PDZD2: variants seen among roughly 807,000 people sequenced by gnomAD.
The protein encoded by PDZD2 is PDZ domain containing 2.
PDZD2 carries 90 observed loss-of-function variants against 220.7 expected under a neutral mutation model. That is an observed-to-expected ratio of 0.41 (90% CI 0.34 to 0.49). PDZD2 has a LOEUF of 0.49. Ranked by LOEUF, PDZD2 falls within the 20% of genes least tolerant of loss-of-function variation. PDZD2 has a pLI of 0.28. For missense variants in PDZD2, 3,174 were observed against 3,608.5 expected (o/e 0.88, Z 3.08); for synonymous variants, 1,375 against 1,450.5 (o/e 0.95, Z 1.18).
Position 31,691,403 on chromosome 5 carries a change from C to G in PDZD2, c.-361+51966C>G, listed in dbSNP as rs532654884. On this transcript the variant is annotated intron_variant, in intron 1 of 24. Coordinates refer to ENST00000438447, the MANE Select transcript of PDZD2 (RefSeq NM_178140.4). The stretch of plus-strand genomic sequence containing the variant: ...GCACAGAGCGAAAGAACAAAGCTCC[C>G]GTAGAGTGGAAGGGGGCCCGAACAG... 6.6e-5 allele frequency among the ~76,000 whole-genome samples: 9 copies of G among 136,794 alleles called. 1 individual carries two copies. The South Asian group carries it at 1.5e-3, about 22-fold the overall frequency. The allele number at this position is 136,794 out of a possible 152,430, so 89.7% of individuals were successfully genotyped here.
At position 32,088,531 on chromosome 5, in the gene PDZD2, G is replaced by C. The variant is rs1321232366; in HGVS notation, c.5083G>C (p.Glu1695Gln). Residue 1695 changes from glutamate to glutamine, a missense_variant, in exon 20 of 25, where the codon GAA becomes CAA. Glu to Gln is a conservative substitution (Grantham distance 29). Around this residue, in one of 4 missense-constraint regions of PDZD2, gnomAD observed 1,861 missense variants for 2,001.0 expected, o/e 0.93. Transcript: ENST00000438447. This position sits in a 1 kb window ranked among gnomAD's most constrained non-coding sequence, Gnocchi z 4.6. The part of the protein sequence containing the change: ...SQNHRPSCAE[E>Q]TTEVTSASSA... ...GAACCACAGGCCCTCGTGTGCAGAA[G>C]AAACCACAGAAGTCACCAGCGCTAG... The C allele has an allele frequency of 5.0e-6, 8 of 1,614,028 alleles. No individual in the cohort carries two copies. The African/African-American group carries it at 1.1e-4, about 22-fold the overall frequency.
At position 31,997,727 on chromosome 5, in the gene PDZD2, T is replaced by TTG. The variant is rs751909605; in HGVS notation, c.1121+2021_1121+2022dup. 8.0e-4 allele frequency among the ~76,000 whole-genome samples: 122 copies of TTG among 152,146 alleles called. 1 individual carries two copies. The highest frequency in any genetic ancestry group is 2.6e-3 in the African/African-American group (107 of 41,536). On this transcript the variant is annotated intron_variant, in intron 4 of 24. Transcript: ENST00000438447. ...TTTTCATTTCATTCTTAGCCTGGAG[T>TTG]TGTGTGTGTGTGTCTCTTTGAGCCT...
intron 20 of PDZD2, 103 bp downstream of exon 20, chr5:32,091,278 A>AATT: frequency 2.6e-5 from 14 of 539,542 alleles, no homozygotes; most frequent in Non-Finnish European, 3.3e-5. Context: ...GTTCCCACTT[A>AATT]CTTTTTTTTT....
chr5:31,884,022 G>A (rs1740193855), intron 2 of PDZD2, among the ~76,000 whole-genome samples: 1 of 152,164 alleles, frequency 6.6e-6, no homozygotes, highest in Admixed American at 6.5e-5. Flanking sequence ...AGTCCAGCCT[G>A]GCCAATGTGG....
intron 1 of PDZD2, among the ~76,000 whole-genome samples, chr5:31,652,500 T>C (rs541840683): frequency 1.3e-4 from 20 of 152,348 alleles, no homozygotes; most frequent in Middle Eastern, 3.4e-3. Context: ...TCCGAGTGCT[T>C]ATACTTTGTC....
At chr5:32,028,182 G>T (rs2112176616) in intron 6 of PDZD2, among the ~76,000 whole-genome samples, 1 of 152,316 alleles carries the variant, frequency 6.6e-6, no homozygotes, top group South Asian at 2.1e-4. Context: ...TGCATGGTTT[G>T]TTCGTAAGGC....
chr5:31,856,360 G>GA (rs1287196434), intron 2 of PDZD2, among the ~76,000 whole-genome samples: 4 of 152,122 alleles, frequency 2.6e-5, no homozygotes, highest in Non-Finnish European at 5.9e-5. Flanking sequence ...GGCCTCTGGG[G>GA]AAAGAGGCCT....
chr5:31,682,195 A>G (rs920735327), intron 1 of PDZD2, among the ~76,000 whole-genome samples: 2 of 152,082 alleles, frequency 1.3e-5, no homozygotes, highest in African/African-American at 4.8e-5. Context: ...ACCCACGGGG[A>G]GGGGGAGAGC....
rs571601058 is a variant in PDZD2 at position 32,034,607 on chromosome 5, C to G, written c.1408-2624C>G. Among the ~76,000 whole-genome samples, 5 of 152,068 alleles carry G rather than the reference C, an allele frequency of 3.3e-5. No individual in the cohort carries two copies. The South Asian group carries it at 1.0e-3, about 32-fold the overall frequency. ...AACTCCTGGCCTCAAGTGATCCACC[C>G]GTCTCCGCTTCCCAAAGTGATTACA... On this transcript the variant is annotated intron_variant, in intron 6 of 24. Transcript: ENST00000438447.
intron 8 of PDZD2, among the ~76,000 whole-genome samples, chr5:32,051,972 C>T (rs191653122): frequency 2.0e-5 from 3 of 152,266 alleles, no homozygotes; most frequent in Non-Finnish European, 4.4e-5. Context: ...AAAGCCCGAC[C>T]ACAGGTGGTC....
chr5:32,040,438 G>A (rs1389261410), intron 7 of PDZD2, among the ~76,000 whole-genome samples: 3 of 132,538 alleles, frequency 2.3e-5, no homozygotes, highest in Non-Finnish European at 3.1e-5. Flanking sequence ...CTGCCGGACT[G>A]CCCATCGTCT....
chr5:31,776,820 A>T (rs1417720690), intron 1 of PDZD2, among the ~76,000 whole-genome samples: 1 of 142,910 alleles, frequency 7.0e-6, no homozygotes. Context: ...TGCTTGGTTA[A>T]TTTTTTTTTT....
chr5:31,678,373 G>T (rs191949263), intron 1 of PDZD2, among the ~76,000 whole-genome samples: 15 of 152,206 alleles, frequency 9.9e-5, no homozygotes, highest in African/African-American at 3.6e-4. Flanking sequence ...AGCAGCAGCC[G>T]CTGAGGGGAA....
At position 32,001,501 on chromosome 5, in the gene PDZD2, G is replaced by A. The variant is rs1293191308; in HGVS notation, c.1254+1230G>A. On this transcript the variant is annotated intron_variant, in intron 5 of 24. Coordinates refer to ENST00000438447, the MANE Select transcript of PDZD2 (RefSeq NM_178140.4). ...CAGAGGCCATGATGCCATCAGCAGC[G>A]CCAGGACCCGGGCCCTAACGCCCAG... Among the ~76,000 whole-genome samples, 8 of 152,230 alleles carry A rather than the reference G, an allele frequency of 5.3e-5. 1 individual carries two copies. In the South Asian group the frequency reaches 6.2e-4, roughly 12 times the overall value.
At chr5:31,731,492 A>G (rs1749534703) in intron 1 of PDZD2, among the ~76,000 whole-genome samples, 1 of 152,202 alleles carries the variant, frequency 6.6e-6, no homozygotes, top group African/African-American at 2.4e-5. Context: ...GCCCCTCTGC[A>G]GCTCTTGGCA....
At chr5:32,027,093 G>A (rs62360055) in intron 6 of PDZD2, among the ~76,000 whole-genome samples, 76,536 of 151,768 alleles carry the variant, frequency 0.5, 20,202 homozygotes, top group South Asian at 0.61. Context: ...TAGTAGAGAC[G>A]GGGTTTCACC....
intron 2 of PDZD2, among the ~76,000 whole-genome samples, chr5:31,961,601 G>A (rs145634693): frequency 6.6e-6 from 1 of 152,190 alleles, no homozygotes; most frequent in East Asian, 1.9e-4. Context: ...ATAGCATAAG[G>A]AAGCTCACTT....
In PDZD2 at chr5:32,108,835, A is replaced by AT. The variant is rs1745071778; in HGVS notation, c.*704dup. 6.6e-6 allele frequency: 1 copy of AT among 152,646 alleles called. No individual in the cohort carries two copies. The highest frequency in any genetic ancestry group is 2.4e-5 in the African/African-American group (1 of 41,446). 9.5% of individuals were successfully genotyped at this position (152,646 alleles called of 1,614,324 possible). A position where few individuals can be genotyped will look rare whatever the true frequency, so the allele number is the denominator to read the frequency against. ...TATTGATCACCATGAAGTATTGATCATTTTCTATCTCAAAAGTGTAAGCCA... is the reference window on the plus strand; with the variant it reads ...TATTGATCACCATGAAGTATTGATCATTTTTCTATCTCAAAAGTGTAAGCCA... On this transcript the variant is annotated 3_prime_UTR_variant, in exon 25 of 25. Transcript: ENST00000438447.
At chr5:31,765,759 A>G (rs1033515987) in intron 1 of PDZD2, among the ~76,000 whole-genome samples, 20 of 152,208 alleles carry the variant, frequency 1.3e-4, no homozygotes, top group Non-Finnish European at 2.2e-4. Context: ...CCACTTCCCT[A>G]GCTGGATGGG....
Sources: gnomAD v4.1 joint callset for allele counts (sites outside exome capture counted in the v4.1 genomes callset) on GRCh38, gnomAD v4.1.1 for gene constraint, gnomAD v4.1.1 regional missense constraint, Gnocchi (gnomAD v3.1) non-coding constraint, MANE v1.5 for transcripts, NCBI Gene and HGNC (gene_info 2026-07-23, HGNC 2026-07-21) for gene names.